Variants in RGP1 observed in about 807,000 individuals in gnomAD.
RGP1 encodes RGP1 partner of RAB6A GEF complex.
Under a neutral mutation model 44.5 loss-of-function variants are expected in RGP1, and 28 were observed. The ratio of observed to expected loss-of-function variants is 0.63; its 90% CI spans 0.47 to 0.86. The LOEUF (loss-of-function observed/expected upper bound fraction) is 0.86, where lower values mean the gene tolerates loss of function less well. RGP1 is among the 40% of genes least tolerant of loss of function. The probability of loss-of-function intolerance (pLI) is 0.00; values close to 1 mark genes in which losing one functional copy is unlikely to be tolerated. For missense variants in RGP1, 417 were observed against 490.7 expected, an observed-to-expected ratio of 0.85 and a Z score of 1.42; for synonymous variants, 212 against 196.7, an observed-to-expected ratio of 1.08 and a Z score of -0.65.
chr9:35,760,390 T>C (rs990529184), downstream of RGP1, among the ~76,000 whole-genome samples: 1 of 152,194 alleles, frequency 6.6e-6, no homozygotes, highest in African/African-American at 2.4e-5. Flanking sequence ...TAGCATCTGC[T>C]CAGTAGATGC....
the RGP1 span, among the ~76,000 whole-genome samples, chr9:35,783,605 G>A: frequency 8.6e-4 from 131 of 152,000 alleles, no homozygotes; most frequent in South Asian, 1.7e-3. Flanking sequence ...CATCTATGCT[G>A]CTGCAAATGA....
At chr9:35,783,441 T>C in the RGP1 span, among the ~76,000 whole-genome samples, 2 of 152,068 alleles carry the variant, frequency 1.3e-5, no homozygotes, top group African/African-American at 4.8e-5. Flanking sequence ...TCTGTAACTT[T>C]GTTGGCCCAC....
At chr9:35,784,488 C>A in the RGP1 span, among the ~76,000 whole-genome samples, 2 of 152,132 alleles carry the variant, frequency 1.3e-5, no homozygotes, top group Non-Finnish European at 2.9e-5. Flanking sequence ...TTGCTCTTGT[C>A]GCCCAGGCTG....
chr9:35,752,629 C>A (rs576703394), intron 8 of RGP1, 22 bp from the exon 9 acceptor site: 3 of 1,574,512 alleles, frequency 1.9e-6, no homozygotes, highest in African/African-American at 1.3e-5. Context: ...GATGCTTCTA[C>A]CTTAATCTTT....
chr9:35,760,184 A>G (rs936612825), downstream of RGP1, among the ~76,000 whole-genome samples: 10 of 151,204 alleles, frequency 6.6e-5, no homozygotes, highest in African/African-American at 2.4e-4. Context: ...TTTTCAGGGG[A>G]TCTCGCATAA....
the RGP1 span, among the ~76,000 whole-genome samples, chr9:35,764,418 C>T: frequency 6.6e-6 from 1 of 152,182 alleles, no homozygotes; most frequent in Non-Finnish European, 1.5e-5. Context: ...TACTAATGGG[C>T]TGCTTAATCT....
the RGP1 span, among the ~76,000 whole-genome samples, chr9:35,777,452 T>A: frequency 6.6e-6 from 1 of 151,434 alleles, no homozygotes; most frequent in Non-Finnish European, 1.5e-5. Flanking sequence ...GTGGTTTTTT[T>A]TTTTTTTGTA....
In RGP1 at chr9:35,750,716, GC is replaced by G; in HGVS notation, c.313del (p.Asp106IlefsTer16). 6.2e-7 allele frequency: 1 copy of G among 1,613,974 alleles called. No individual in the cohort carries two copies. The highest frequency in any genetic ancestry group is 8.5e-7 in the Non-Finnish European group (1 of 1,179,886). On this transcript the variant is annotated frameshift_variant, in exon 4 of 9. Transcript: ENST00000378078. LOFTEE classifies it high-confidence loss of function. ...CGAAAATTCTATTCTGTGACCTGAG[GC>G]TTGATCCTGGAGAGTCCAAATCATG... is the stretch of plus-strand genomic sequence containing the variant. ...PPKILFCDLR[L>X]DPGESKSYSY...
chr9:35,778,669 T>A, the RGP1 span, among the ~76,000 whole-genome samples: 2 of 152,200 alleles, frequency 1.3e-5, no homozygotes, highest in Non-Finnish European at 2.9e-5. Flanking sequence ...TGGCTTTGCC[T>A]GCCTACATAC....
the RGP1 span, among the ~76,000 whole-genome samples, chr9:35,788,030 C>T: frequency 6.6e-6 from 1 of 152,296 alleles, no homozygotes; most frequent in African/African-American, 2.4e-5. Context: ...TTCAGCTGCA[C>T]AAATAGGTTT....
At chr9:35,777,127 C>CTTTT in the RGP1 span, among the ~76,000 whole-genome samples, 2 of 82,312 alleles carry the variant, frequency 2.4e-5, no homozygotes, top group Non-Finnish European at 4.4e-5. Context: ...AGGTGTTTTT[C>CTTTT]TTTTTTTTTT....
chr9:35,767,275 G>A, the RGP1 span, among the ~76,000 whole-genome samples: 7 of 137,162 alleles, frequency 5.1e-5, no homozygotes, highest in Non-Finnish European at 1.1e-4. Flanking sequence ...TTTGGTTTAA[G>A]CAAATTGGTT....
the RGP1 span, among the ~76,000 whole-genome samples, chr9:35,776,171 C>T: frequency 6.6e-6 from 1 of 152,158 alleles, no homozygotes; most frequent in Non-Finnish European, 1.5e-5. Flanking sequence ...AATTACTCCT[C>T]TGTTTTTCTC....
chr9:35,749,785 G>A lies in RGP1; in HGVS notation c.30G>A (p.Arg10=). The stretch of plus-strand genomic sequence containing the variant: ...TTGAAGTGGTAGCAGAGCTCAGCCG[G>A]GGTCCTGTATTTTTGGCTGGGGAGG... MIEVVAELS[R]GPVFLAGEAL... Residue 10 remains arginine (R), a synonymous_variant, in exon 2 of 9, where the codon CGG becomes CGA. Transcript: ENST00000378078. This position sits in a 1 kb window ranked among gnomAD's most constrained non-coding sequence, Gnocchi z 4.4. The A allele has an allele frequency of 6.2e-7, 1 of 1,613,876 alleles. No homozygotes were observed. Among genetic ancestry groups the A allele is most frequent in the Non-Finnish European group, 8.5e-7 (1 of 1,179,796 alleles).
chr9:35,773,738 A>G, the RGP1 span, among the ~76,000 whole-genome samples: 1 of 152,018 alleles, frequency 6.6e-6, no homozygotes, highest in Admixed American at 6.6e-5. Flanking sequence ...CTGACCTCAG[A>G]TAATCCACCC....
At chr9:35,783,172 A>G in the RGP1 span, among the ~76,000 whole-genome samples, 2 of 151,874 alleles carry the variant, frequency 1.3e-5, no homozygotes, top group Admixed American at 6.6e-5. Flanking sequence ...TGCTTGTAAA[A>G]CTTTTCAGTT....
At chr9:35,782,306 A>G in the RGP1 span, among the ~76,000 whole-genome samples, 1 of 152,218 alleles carries the variant, frequency 6.6e-6, no homozygotes, top group Non-Finnish European at 1.5e-5. Flanking sequence ...TGGTAGCATC[A>G]AGAGTCATTG....
chr9:35,752,000 C>T lies in RGP1; in HGVS notation c.807C>T (p.Tyr269=). The T allele has an allele frequency of 2.5e-6, 4 of 1,600,914 alleles. No individual in the cohort carries two copies. Among genetic ancestry groups the T allele is most frequent in the Non-Finnish European group, 3.4e-6 (4 of 1,173,520 alleles). The change falls in exon 8 of 9, where the codon TAC becomes TAT. Residue 269 remains tyrosine, a synonymous_variant. Transcript: ENST00000378078. ...LQTEERVQPE[Y]QRRRGAGGVP... is the part of the protein sequence containing the mutation. ...CCGAGGAGCGTGTACAGCCTGAGTA[C>T]CAGCGGCGACGTGGGGCAGGGGGTG...
intron 5 of RGP1, 112 bp downstream of exon 5, chr9:35,751,101 G>A: frequency 6.8e-7 from 1 of 1,476,578 alleles, no homozygotes; most frequent in Non-Finnish European, 9.3e-7. Context: ...CTCAGTGACA[G>A]TGCTAGGGAG....
Sources: allele counts gnomAD v4.1 joint callset (sites outside exome capture counted in the v4.1 genomes callset), GRCh38; gene constraint gnomAD v4.1.1; non-coding constraint Gnocchi (gnomAD v3.1); transcripts MANE v1.5; gene names NCBI Gene and HGNC (gene_info 2026-07-23, HGNC 2026-07-21).